Variants in LRRC37A2 observed in about 807,000 individuals in gnomAD.
LRRC37A2 encodes leucine rich repeat containing 37 member A2, also known as leucine-rich repeat-containing protein 37A2.
In LRRC37A2, 9 loss-of-function variants were observed where a neutral mutation model predicts 68.8. That is an observed-to-expected ratio of 0.13 (90% confidence interval 0.08 to 0.23). LRRC37A2 has a LOEUF of 0.23. LRRC37A2 is among the 10% of genes least tolerant of loss of function. The pLI, the probability that LRRC37A2 is intolerant of heterozygous loss-of-function variation, is 1.00. For missense variants in LRRC37A2, 168 were observed against 950.4 expected (o/e 0.18, Z 10.82); for synonymous variants, 63 against 367.6 (o/e 0.17, Z 9.48).
the LRRC37A2 span, chr17:46,749,721 T>G: frequency 5.3e-6 from 8 of 1,502,270 alleles, no homozygotes; most frequent in Non-Finnish European, 7.2e-6. Flanking sequence ...TACTGTAGTT[T>G]CCTAATTAGT....
chr17:46,636,783 T>C, the LRRC37A2 span, among the ~76,000 whole-genome samples: 1 of 132,606 alleles, frequency 7.5e-6, no homozygotes, highest in Non-Finnish European at 1.6e-5. Context: ...GCAGAGGCCA[T>C]GTGGGGAGGA....
the LRRC37A2 span, among the ~76,000 whole-genome samples, chr17:46,952,996 G>C: frequency 2.0e-5 from 3 of 151,958 alleles, no homozygotes; most frequent in Non-Finnish European, 4.4e-5. Context: ...AAATGACTCT[G>C]AGCCCCCCAA....
At chr17:46,870,509 C>G in the LRRC37A2 span, among the ~76,000 whole-genome samples, 1 of 152,190 alleles carries the variant, frequency 6.6e-6, no homozygotes, top group African/African-American at 2.4e-5. Context: ...GGGAGAGGAG[C>G]CCAGGGCCAG....
At chr17:46,619,802 A>G in the LRRC37A2 span, among the ~76,000 whole-genome samples, 8 of 75,004 alleles carry the variant, frequency 1.1e-4, no homozygotes, top group African/African-American at 4.5e-4. Context: ...AAAAACCCAG[A>G]AAGTAAAGTG....
At chr17:46,817,595 G>A in the LRRC37A2 span, among the ~76,000 whole-genome samples, 12 of 152,150 alleles carry the variant, frequency 7.9e-5, no homozygotes, top group East Asian at 3.9e-4. Flanking sequence ...CTCCCAAAGC[G>A]ATGTTTATTC....
chr17:46,501,596 A>G, the LRRC37A2 span, among the ~76,000 whole-genome samples: 2 of 151,254 alleles, frequency 1.3e-5, no homozygotes, highest in Middle Eastern at 3.4e-3. Flanking sequence ...CCTATTTGGA[A>G]CTCCCTTCAG....
the LRRC37A2 span, among the ~76,000 whole-genome samples, chr17:46,730,655 C>T: frequency 1.3e-5 from 2 of 152,062 alleles, no homozygotes; most frequent in Non-Finnish European, 2.9e-5. Flanking sequence ...TCACAAATAC[C>T]TTATCAACAA....
chr17:46,978,926 G>T, the LRRC37A2 span: 37 of 1,460,708 alleles, frequency 2.5e-5, no homozygotes, highest in Non-Finnish European at 3.3e-5. Context: ...CCGTGGGTGC[G>T]GTTTCCCAGG....
chr17:46,739,340 C>T, the LRRC37A2 span, among the ~76,000 whole-genome samples: 1 of 130,170 alleles, frequency 7.7e-6, no homozygotes, highest in African/African-American at 3.0e-5. Flanking sequence ...CACTGCACTC[C>T]AGCCTGGGCA....
the LRRC37A2 span, chr17:46,885,310 T>TG: frequency 1.0e-5 from 1 of 97,028 alleles, no homozygotes; most frequent in African/African-American, 7.0e-5. Flanking sequence ...CTGGCCAGCA[T>TG]TTTTTTTTTT....
the LRRC37A2 span, chr17:47,033,278 C>T: frequency 2.0e-5 from 14 of 690,142 alleles, no homozygotes; most frequent in South Asian, 6.2e-5. Flanking sequence ...AAAGGCTCAC[C>T]GTTTCAGATT....
At chr17:46,931,478 T>C in the LRRC37A2 span, 4 of 508,832 alleles carry the variant, frequency 7.9e-6, no homozygotes, top group African/African-American at 7.7e-5. Context: ...GTTTTTTGAC[T>C]AGATCCATAG....
chr17:46,715,733 G>C, the LRRC37A2 span, among the ~76,000 whole-genome samples: 2 of 152,208 alleles, frequency 1.3e-5, no homozygotes, highest in Admixed American at 1.3e-4. Flanking sequence ...AAGGTAATAT[G>C]TGCTGATTTT....
chr17:46,785,781 G>A, the LRRC37A2 span, among the ~76,000 whole-genome samples: 1 of 152,190 alleles, frequency 6.6e-6, no homozygotes, highest in East Asian at 1.9e-4. Flanking sequence ...TCAGAGGGAA[G>A]AGGCTGCGGG....
the LRRC37A2 span, among the ~76,000 whole-genome samples, chr17:46,999,494 A>C: frequency 6.6e-6 from 1 of 152,106 alleles, no homozygotes; most frequent in Non-Finnish European, 1.5e-5. Flanking sequence ...GACTACAGGC[A>C]CACGCCACCA....
the LRRC37A2 span, among the ~76,000 whole-genome samples, chr17:46,811,292 G>A: frequency 6.6e-6 from 1 of 152,154 alleles, no homozygotes; most frequent in African/African-American, 2.4e-5. Flanking sequence ...GTTAATATGG[G>A]AAATGCTGAT....
chr17:46,850,900 G>T, the LRRC37A2 span, among the ~76,000 whole-genome samples: 1 of 152,074 alleles, frequency 6.6e-6, no homozygotes, highest in South Asian at 2.1e-4. Context: ...GGGAACATCA[G>T]CAGCATTTTG....
At chr17:46,494,095 T>G in the LRRC37A2 span, among the ~76,000 whole-genome samples, 1 of 150,282 alleles carries the variant, frequency 6.7e-6, no homozygotes, top group African/African-American at 2.5e-5. Flanking sequence ...TCTGCCTACC[T>G]TGGCCTCCCA....
chr17:46,758,577 T>C, the LRRC37A2 span, among the ~76,000 whole-genome samples: 4 of 152,246 alleles, frequency 2.6e-5, no homozygotes, highest in African/African-American at 4.8e-5. Flanking sequence ...GAGGAGGTTA[T>C]TTTATCCTTT....
Sources: gnomAD v4.1 joint callset for allele counts (sites outside exome capture counted in the v4.1 genomes callset) on GRCh38, gnomAD v4.1.1 for gene constraint, MANE v1.5 for transcripts, NCBI Gene and HGNC (gene_info 2026-07-23, HGNC 2026-07-21) for gene names.